RBFOX1: variants seen among roughly 807,000 people sequenced by gnomAD.
RBFOX1 encodes the protein RNA binding fox-1 homolog 1.
A neutral mutation model predicts 57.7 loss-of-function variants in RBFOX1; 8 were observed. That is an observed-to-expected ratio of 0.14 (90% CI 0.08 to 0.25). The LOEUF is 0.25. Ranked by LOEUF, RBFOX1 falls within the 10% of genes least tolerant of loss-of-function variation. The pLI, the probability that RBFOX1 is intolerant of heterozygous loss-of-function variation, is 1.00. For synonymous variants in RBFOX1, 326 were observed against 222.4 expected (o/e 1.47, Z -4.15); for missense variants, 611 against 548.5 (o/e 1.11, Z -1.14).
chr16:7,085,355 CT>C (rs1401681373), intron 4 of RBFOX1, among the ~76,000 whole-genome samples: 2 of 151,372 alleles, frequency 1.3e-5, no homozygotes, highest in African/African-American at 4.9e-5. Context: ...TCAGCCAGTA[CT>C]TCAAAAAAAA....
At chr16:6,451,694 C>T (rs1312794942) in intron 2 of RBFOX1, among the ~76,000 whole-genome samples, 1 of 152,192 alleles carries the variant, frequency 6.6e-6, no homozygotes, top group Non-Finnish European at 1.5e-5. Flanking sequence ...TTTACTGGGG[C>T]AGGTGTCCCC....
Position 7,325,809 on chromosome 16 carries a change from T to C in RBFOX1, c.28-192338T>C, listed in dbSNP as rs116509062. Among the ~76,000 whole-genome samples the C allele has an allele frequency of 4.3e-3, 658 of 152,316 alleles. 6 individuals carry two copies. The Middle Eastern group carries it at 0.071, about 17-fold the overall frequency. On this transcript the variant is annotated intron_variant, in intron 4 of 15. Transcript: ENST00000550418. ...ATCCTCTCCTTCACTGGGAATTCAT[T>C]TGTTAGTCCTTGGTATTCTAAATAT...
chr16:6,018,672 G>C (rs1005512796), upstream of RBFOX1, among the ~76,000 whole-genome samples: 16 of 152,264 alleles, frequency 1.1e-4, no homozygotes, highest in African/African-American at 3.8e-4. Context: ...AAGATTTGAA[G>C]ACTTGCCAGA....
At chr16:6,037,196 T>G (rs2095376272) in intron 1 of RBFOX1, 1 of 152,220 alleles carries the variant, frequency 6.6e-6, no homozygotes, top group African/African-American at 2.4e-5. Context: ...AATGCTAAAG[T>G]GTTAGCATTA....
intron 2 of RBFOX1, among the ~76,000 whole-genome samples, chr16:5,483,432 TG>T (rs1483613761): frequency 6.6e-6 from 1 of 152,194 alleles, no homozygotes; most frequent in Non-Finnish European, 1.5e-5. Flanking sequence ...TTTCCCCATC[TG>T]TAAGATGGAA....
intron 3 of RBFOX1, among the ~76,000 whole-genome samples, chr16:5,757,890 C>G (rs559505205): frequency 6.6e-6 from 1 of 152,270 alleles, no homozygotes; most frequent in South Asian, 2.1e-4. Context: ...ATGAGAAGCT[C>G]TGACAATAAA....
chr16:6,054,241 T>C (rs1596747845), intron 1 of RBFOX1, among the ~76,000 whole-genome samples: 1 of 152,270 alleles, frequency 6.6e-6, no homozygotes, highest in East Asian at 1.9e-4. Flanking sequence ...TAATATAATA[T>C]GTTTTTTTGG....
At chr16:7,357,790 G>A (rs1054848105) in intron 4 of RBFOX1, among the ~76,000 whole-genome samples, 5 of 152,102 alleles carry the variant, frequency 3.3e-5, no homozygotes, top group East Asian at 1.9e-4. Flanking sequence ...TAATTTTGGA[G>A]CATTCAGCAT....
intron 2 of RBFOX1, among the ~76,000 whole-genome samples, chr16:5,546,979 G>T (rs1580472): frequency 0.66 from 100,795 of 151,698 alleles, 34,809 homozygotes; most frequent in East Asian, 0.99. Flanking sequence ...GATATACATG[G>T]CAAATAATCA....
At chr16:6,906,116 A>G (rs998553906) in intron 3 of RBFOX1, among the ~76,000 whole-genome samples, 1 of 150,848 alleles carries the variant, frequency 6.6e-6, no homozygotes, top group Admixed American at 6.6e-5. Flanking sequence ...TTAAAAAAAA[A>G]TTATAATGCC....
At chr16:6,676,266 C>A (rs146876024) in intron 3 of RBFOX1, among the ~76,000 whole-genome samples, 3 of 152,040 alleles carry the variant, frequency 2.0e-5, no homozygotes, top group South Asian at 2.1e-4. Context: ...GGAGGAAGGC[C>A]TTCCATGATC....
chr16:5,473,613 G>A (rs565929521), intron 2 of RBFOX1, among the ~76,000 whole-genome samples: 1 of 146,764 alleles, frequency 6.8e-6, no homozygotes, highest in Non-Finnish European at 1.5e-5. Flanking sequence ...AAGGATGGGT[G>A]GATGGATGGA....
intron 1 of RBFOX1, among the ~76,000 whole-genome samples, chr16:5,329,425 C>T (rs1166456159): frequency 2.0e-5 from 3 of 152,172 alleles, no homozygotes; most frequent in South Asian, 2.1e-4. Flanking sequence ...TAACTCACTC[C>T]GTATGACAAG....
At chr16:7,068,567 C>G (rs780318380) in intron 4 of RBFOX1, among the ~76,000 whole-genome samples, 2 of 152,094 alleles carry the variant, frequency 1.3e-5, no homozygotes, top group Non-Finnish European at 2.9e-5. Flanking sequence ...AGTACTGACT[C>G]TTTGATACTA....
At chr16:5,558,994 C>G (rs1352154059) in intron 2 of RBFOX1, among the ~76,000 whole-genome samples, 2 of 152,114 alleles carry the variant, frequency 1.3e-5, no homozygotes, top group African/African-American at 2.4e-5. Context: ...ATCCCACACT[C>G]TCACACTTTT....
intron 4 of RBFOX1, among the ~76,000 whole-genome samples, chr16:7,330,724 A>T (rs780138529): frequency 2.0e-5 from 3 of 152,014 alleles, no homozygotes; most frequent in African/African-American, 4.8e-5. Context: ...GATGGAATTA[A>T]GTCTCCTGCC....
At chr16:6,112,359 A>T (rs1236423600) in intron 1 of RBFOX1, among the ~76,000 whole-genome samples, 4 of 152,298 alleles carry the variant, frequency 2.6e-5, no homozygotes, top group African/African-American at 4.8e-5. Flanking sequence ...TTACCTTGAC[A>T]TGTTGAGTAG....
chr16:6,677,062 A>G (rs1671335519), intron 3 of RBFOX1, among the ~76,000 whole-genome samples: 1 of 152,190 alleles, frequency 6.6e-6, no homozygotes, highest in Non-Finnish European at 1.5e-5. Flanking sequence ...AATGCTTTCT[A>G]CTTGCAAGAC....
intron 1 of RBFOX1, among the ~76,000 whole-genome samples, chr16:5,347,718 A>G (rs1452973721): frequency 3.9e-5 from 5 of 127,044 alleles, no homozygotes; most frequent in Non-Finnish European, 6.5e-5. Context: ...CCATCCATCC[A>G]TTCATCCTCC....
Sources: allele counts gnomAD v4.1 joint callset (sites outside exome capture counted in the v4.1 genomes callset), GRCh38; gene constraint gnomAD v4.1.1; transcripts MANE v1.5; gene names NCBI Gene and HGNC (gene_info 2026-07-23, HGNC 2026-07-21).